RADIL: variants seen among roughly 807,000 people sequenced by gnomAD.
The protein encoded by RADIL is Rap associating with DIL domain, also known as ras-associating and dilute domain-containing protein.
A neutral mutation model predicts 97.6 loss-of-function variants in RADIL; 99 were observed. The observed-to-expected ratio is 1.01, with a 90% CI of 0.86 to 1.20. The LOEUF (loss-of-function observed/expected upper bound fraction) is 1.20. Ranked by LOEUF, RADIL falls within the 50% of genes most tolerant of loss-of-function variation. The pLI, the probability that RADIL is intolerant of heterozygous loss-of-function variation, is 0.00. For missense variants in RADIL, 1,765 were observed against 1,498.9 expected (o/e 1.18, Z -2.93); for synonymous variants, 803 against 691.8 (o/e 1.16, Z -2.52).
rs900038519 is a variant in RADIL, at chr7:4,834,319, C to T, written c.1416+288G>A. Among the ~76,000 whole-genome samples, 4 of 152,080 alleles carry T rather than the reference C, an allele frequency of 2.6e-5. No homozygotes were observed. The highest frequency in any genetic ancestry group is 5.9e-5 in the Non-Finnish European group (4 of 67,998). ...CGTGACAGTGCTGGGCCCAGCTGGA[C>T]CCCAGGGAGGGTACAAGCCCAGAGC... On this transcript the variant is annotated intron_variant, in intron 4 of 14. Transcript: ENST00000399583. This position sits in a 1 kb window ranked among gnomAD's most constrained non-coding sequence, Gnocchi z 6.0.
intron 1 of RADIL, among the ~76,000 whole-genome samples, chr7:4,881,854 TA>T (rs1784494963): frequency 6.6e-6 from 1 of 152,124 alleles, no homozygotes; most frequent in Admixed American, 6.5e-5. Flanking sequence ...TCTTCTTTAA[TA>T]AAAAACAAAT....
intron 2 of RADIL, among the ~76,000 whole-genome samples, chr7:4,876,649 C>T (rs985725482): frequency 2.6e-5 from 4 of 152,160 alleles, no homozygotes; most frequent in African/African-American, 9.7e-5. Context: ...AACTTCTTTC[C>T]ACCAATTGAA....
intron 2 of RADIL, among the ~76,000 whole-genome samples, chr7:4,868,738 T>A (rs2344726): frequency 0.45 from 67,917 of 152,172 alleles, 17,045 homozygotes; most frequent in African/African-American, 0.68. Context: ...CTTTTATCTA[T>A]ACAGTGTCCT....
chr7:4,841,563 G>C (rs1485174575), intron 2 of RADIL, among the ~76,000 whole-genome samples: 4 of 152,178 alleles, frequency 2.6e-5, no homozygotes, highest in Admixed American at 6.5e-5. Flanking sequence ...GGCGGGCGCG[G>C]GTCTCCCCTA....
At position 4,799,802 on chromosome 7, in the gene RADIL, G is replaced by A. The variant is rs1169523538; in HGVS notation, c.2983-33C>T. On this transcript the variant is annotated intron_variant, in intron 13 of 14. Coordinates refer to ENST00000399583, the MANE Select transcript of RADIL (RefSeq NM_018059.5). ...CAAGCAGAGGCCTCAGAGCTCCGCA[G>A]GCCCGACTGGCTGTCCCCAGCGAGG... The A allele has an allele frequency of 2.7e-6, 4 of 1,471,182 alleles. No individual in the cohort carries two copies. The African/African-American group carries it at 4.2e-5, about 16-fold the overall frequency. The allele number at this position is 1,471,182 out of a possible 1,614,324, so 91.1% of individuals were successfully genotyped here.
intron 2 of RADIL, among the ~76,000 whole-genome samples, chr7:4,850,064 T>G (rs1366307655): frequency 6.6e-6 from 1 of 152,044 alleles, no homozygotes; most frequent in Non-Finnish European, 1.5e-5. Flanking sequence ...CCATAACCAT[T>G]AAGATGAATG....
At chr7:4,825,095 C>T (rs1025910942) in intron 5 of RADIL, among the ~76,000 whole-genome samples, 1 of 152,104 alleles carries the variant, frequency 6.6e-6, no homozygotes, top group African/African-American at 2.4e-5. Flanking sequence ...AAAGGAAAAC[C>T]CATGTTGTTC....
chr7:4,804,079 C>T (rs1007682303), intron 10 of RADIL: 1 of 378,688 alleles, frequency 2.6e-6, no homozygotes, highest in South Asian at 2.5e-5. Flanking sequence ...ATGGTGTCTC[C>T]GGGTAACTGG....
intron 4 of RADIL, among the ~76,000 whole-genome samples, chr7:4,832,955 C>T (rs1448157037): frequency 2.6e-5 from 4 of 152,140 alleles, no homozygotes; most frequent in Non-Finnish European, 5.9e-5. Context: ...GCGGAGGCTT[C>T]GGATTCCCAC....
rs1361749031 is a variant in RADIL at position 4,821,118 on chromosome 7, C to T, written c.1615+1276G>A. ...CTGTGGGAGCTCCTGTCCCTGCACA[C>T]CGGGCCTGCGCCTCCCTCGAAGCTC... On this transcript the variant is annotated intron_variant, in intron 6 of 14. Coordinates refer to ENST00000399583, the MANE Select transcript of RADIL (RefSeq NM_018059.5). This position sits in a 1 kb window ranked among gnomAD's most constrained non-coding sequence, Gnocchi z 5.2. Among the ~76,000 whole-genome samples the T allele has an allele frequency of 6.6e-6, 1 of 152,208 alleles. No homozygotes were observed. Among genetic ancestry groups the T allele is most frequent in the African/African-American group, 2.4e-5 (1 of 41,460 alleles).
intron 2 of RADIL, chr7:4,861,564 T>C: frequency 6.2e-7 from 1 of 1,613,986 alleles, no homozygotes; most frequent in Non-Finnish European, 8.5e-7. Context: ...AGACTCTTGC[T>C]TTCACTGATT....
chr7:4,844,557 G>A (rs868677920), intron 2 of RADIL, among the ~76,000 whole-genome samples: 5 of 152,218 alleles, frequency 3.3e-5, no homozygotes, highest in African/African-American at 1.2e-4. Context: ...TAATTAACAA[G>A]TGAATTTAGC....
rs1220244878 is a variant in RADIL at position 4,840,707 on chromosome 7, G to A, written c.536-4102C>T. Among the ~76,000 whole-genome samples, 1 of 152,160 alleles carries A rather than the reference G, an allele frequency of 6.6e-6. No individual in the cohort carries two copies. Among genetic ancestry groups the A allele is most frequent in the Non-Finnish European group, 1.5e-5 (1 of 68,030 alleles). ...TTTCTGGCCGGGCGCGGTGGCTCACGCCTGTAATCCCAGCACTTTGGGAGG... is the reference window on the plus strand; with the variant it reads ...TTTCTGGCCGGGCGCGGTGGCTCACACCTGTAATCCCAGCACTTTGGGAGG... On this transcript the variant is annotated intron_variant, in intron 2 of 14. Transcript: ENST00000399583. This position sits in a 1 kb window ranked among gnomAD's most constrained non-coding sequence, Gnocchi z 5.6.
At chr7:4,838,307 C>T (rs920192881) in intron 2 of RADIL, among the ~76,000 whole-genome samples, 7 of 152,162 alleles carry the variant, frequency 4.6e-5, no homozygotes, top group Admixed American at 6.5e-5. Context: ...AGAACAAAAA[C>T]AGCTCCAAAT....
In RADIL at chr7:4,856,779, T is replaced by A. The variant is rs146469024; in HGVS notation, c.536-20174A>T. Among the ~76,000 whole-genome samples, 140 of 152,352 alleles carry A rather than the reference T, an allele frequency of 9.2e-4. 1 individual carries two copies. Among genetic ancestry groups the A allele is most frequent in the African/African-American group, 3.2e-3 (135 of 41,578 alleles). ...TTGAGAATAACATGCATTTTCCAAT[T>A]GTGGGGTGGAAGGTTCTATAATAAA... On this transcript the variant is annotated intron_variant, in intron 2 of 14. Coordinates refer to ENST00000399583, the MANE Select transcript of RADIL (RefSeq NM_018059.5).
chr7:4,861,856 C>G, intron 2 of RADIL: 1 of 1,331,904 alleles, frequency 7.5e-7, no homozygotes, highest in Non-Finnish European at 9.8e-7. Flanking sequence ...CCACCGCGAC[C>G]TTCGCGGCCG....
chr7:4,854,400 G>T lies in RADIL; in HGVS notation c.536-17795C>A, dbSNP rs1783778485. Among the ~76,000 whole-genome samples, 1 of 152,042 alleles carries T rather than the reference G, an allele frequency of 6.6e-6. No individual in the cohort carries two copies. The highest frequency in any genetic ancestry group is 2.1e-4 in the South Asian group (1 of 4,820). ...GGTTTTTGTCATTGTTGATAAAGAG[G>T]TTACCACTTTGGGCCGGGCGCGGTG... On this transcript the variant is annotated intron_variant, in intron 2 of 14. Transcript: ENST00000399583. This position sits in a 1 kb window ranked among gnomAD's most constrained non-coding sequence, Gnocchi z 5.1.
In RADIL at chr7:4,817,477, GC is replaced by G. The variant is rs1378209388; in HGVS notation, c.1616-127del. On this transcript the variant is annotated intron_variant, in intron 6 of 14. Coordinates refer to ENST00000399583, the MANE Select transcript of RADIL (RefSeq NM_018059.5). This position sits in a 1 kb window ranked among gnomAD's most constrained non-coding sequence, Gnocchi z 8.3. ...CAACGCGCCCATCTGGGGTCCAGAT[GC>G]GATAAACTGGCCGAGGGACTCTGGG... 15 of 746,190 alleles carry G rather than the reference GC, an allele frequency of 2.0e-5. No homozygotes were observed. The highest frequency in any genetic ancestry group is 3.2e-5 in the Non-Finnish European group (15 of 466,996). The allele number at this position is 746,190 out of a possible 1,614,324, so 46.2% of individuals were successfully genotyped here. A position where few individuals can be genotyped will look rare whatever the true frequency, so the allele number is the denominator to read the frequency against.
chr7:4,833,102 G>T (rs1011211048), intron 4 of RADIL, among the ~76,000 whole-genome samples: 3 of 152,138 alleles, frequency 2.0e-5, no homozygotes, highest in Non-Finnish European at 4.4e-5. Flanking sequence ...CTGGTGTGCT[G>T]CAGGGAGTGG....
Sources: gnomAD v4.1 joint callset for allele counts (sites outside exome capture counted in the v4.1 genomes callset) on GRCh38, gnomAD v4.1.1 for gene constraint, Gnocchi (gnomAD v3.1) non-coding constraint, MANE v1.5 for transcripts, NCBI Gene and HGNC (gene_info 2026-07-23, HGNC 2026-07-21) for gene names.